NEGR1: variants seen among roughly 807,000 people sequenced by gnomAD.
NEGR1 encodes the protein neuronal growth regulator 1, also known as IgLON family member 4.
NEGR1 carries 10 observed loss-of-function variants against 40.9 expected under a neutral mutation model. That is an observed-to-expected ratio of 0.24 (90% confidence interval 0.15 to 0.42). The LOEUF (loss-of-function observed/expected upper bound fraction) is 0.42, where lower values mean the gene tolerates loss of function less well. Among genes scored for constraint, NEGR1 ranks in the 10% least tolerant of loss-of-function variants. The pLI is 1.00. For missense variants in NEGR1, 352 were observed against 438.9 expected, an observed-to-expected ratio of 0.80 and a Z score of 1.77; for synonymous variants, 185 against 166.8, an observed-to-expected ratio of 1.11 and a Z score of -0.84.
rs541890004 is a variant in NEGR1 at position 71,872,966 on chromosome 1, C to T, written c.409+62113G>A. Among the ~76,000 whole-genome samples, 17 of 152,016 alleles carry T rather than the reference C, an allele frequency of 1.1e-4. No homozygotes were observed. In the East Asian group the frequency reaches 2.7e-3, roughly 24 times the overall value. ...TAGGAAGTTAGCGGAACCCACACTA[C>T]CCTTAGACTTAACCGATGTTTCACA... is the stretch of plus-strand genomic sequence containing the variant. On this transcript the variant is annotated intron_variant, in intron 2 of 6. Transcript: ENST00000357731.
chr1:71,639,829 G>A (rs1651287750), intron 4 of NEGR1, among the ~76,000 whole-genome samples: 1 of 152,022 alleles, frequency 6.6e-6, no homozygotes, highest in African/African-American at 2.4e-5. Flanking sequence ...TAGTAGAGGG[G>A]TGGAGGAAGG....
chr1:72,037,707 T>C (rs577069501), intron 1 of NEGR1, among the ~76,000 whole-genome samples: 1 of 152,288 alleles, frequency 6.6e-6, no homozygotes, highest in Admixed American at 6.5e-5. Context: ...AAGTTTTGAC[T>C]TAATCTGGAT....
Position 71,451,796 on chromosome 1 carries a change from G to T in NEGR1, c.941-44226C>A, listed in dbSNP as rs150457643. On this transcript the variant is annotated intron_variant, in intron 6 of 6. Transcript: ENST00000357731. Reference sequence around the variant, plus strand: ...CTCTGAAATAGGATATTTTAAATCTGACTAGGCTCATTAAAAATATTAGAT... The same window carrying T: ...CTCTGAAATAGGATATTTTAAATCTTACTAGGCTCATTAAAAATATTAGAT... Among the ~76,000 whole-genome samples the T allele has an allele frequency of 5.3e-5, 8 of 152,254 alleles. No homozygotes were observed. In the East Asian group the frequency reaches 1.5e-3, roughly 29 times the overall value.
chr1:72,031,631 G>C (rs1386173375), intron 1 of NEGR1, among the ~76,000 whole-genome samples: 1 of 152,094 alleles, frequency 6.6e-6, no homozygotes, highest in Non-Finnish European at 1.5e-5. Context: ...GATGGGAAGA[G>C]GTTGAAAAAT....
intron 1 of NEGR1, among the ~76,000 whole-genome samples, chr1:72,224,943 A>G (rs186510593): frequency 1.6e-3 from 237 of 152,154 alleles, no homozygotes; most frequent in African/African-American, 4.7e-3. Context: ...TAGTTATTTC[A>G]ATGGCTTTAC....
chr1:72,088,390 C>T (rs1358368857), intron 1 of NEGR1, among the ~76,000 whole-genome samples: 1 of 152,090 alleles, frequency 6.6e-6, no homozygotes, highest in Non-Finnish European at 1.5e-5. Context: ...ATTTACTATT[C>T]GGGCTATCAC....
chr1:71,883,715 T>C (rs1422304222), intron 2 of NEGR1, among the ~76,000 whole-genome samples: 2 of 125,476 alleles, frequency 1.6e-5, no homozygotes, highest in African/African-American at 6.0e-5. Context: ...CCTAAGGCTA[T>C]CCCTCCCCCC....
At chr1:71,580,128 T>C (rs372224722) in intron 6 of NEGR1, among the ~76,000 whole-genome samples, 124 of 152,074 alleles carry the variant, frequency 8.2e-4, no homozygotes, top group African/African-American at 2.8e-3. Flanking sequence ...TATGCAGCCA[T>C]AAAAAATGAT....
intron 6 of NEGR1, among the ~76,000 whole-genome samples, chr1:71,485,080 C>T (rs770721457): frequency 5.9e-5 from 9 of 151,542 alleles, no homozygotes; most frequent in South Asian, 2.1e-4. Context: ...AAATAATTGT[C>T]CCCAAGCTTG....
rs758540794 is a variant in NEGR1 at position 71,947,089 on chromosome 1, T to TATAC, written c.177-11779_177-11778insGTAT. ...GGCAACAGAGCCAGATCCTGTCTCA[T>TATAC]ACACACACACACACACACACACACA... On this transcript the variant is annotated intron_variant, in intron 1 of 6. Transcript: ENST00000357731. 6.7e-3 allele frequency among the ~76,000 whole-genome samples: 867 copies of TATAC among 129,136 alleles called. 11 individuals are homozygous for TATAC. Among genetic ancestry groups the TATAC allele is most frequent in the East Asian group, 0.038 (171 of 4,466 alleles). 84.7% of individuals were successfully genotyped at this position (129,136 alleles called of 152,430 possible).
chr1:72,174,818 T>C (rs1652106653), intron 1 of NEGR1, among the ~76,000 whole-genome samples: 2 of 152,152 alleles, frequency 1.3e-5, no homozygotes, highest in East Asian at 3.9e-4. Flanking sequence ...TATCACAATC[T>C]AAGGGAGGCA....
intron 1 of NEGR1, among the ~76,000 whole-genome samples, chr1:72,043,379 C>T (rs932652098): frequency 3.3e-5 from 5 of 151,750 alleles, no homozygotes; most frequent in African/African-American, 1.2e-4. Flanking sequence ...CTGATATACT[C>T]ACCCACTCTG....
intron 1 of NEGR1, among the ~76,000 whole-genome samples, chr1:72,201,163 A>C (rs1381116325): frequency 2.0e-5 from 3 of 151,776 alleles, no homozygotes; most frequent in Admixed American, 2.0e-4. Context: ...CATACATTTT[A>C]GCAACAAAAC....
intron 1 of NEGR1, among the ~76,000 whole-genome samples, chr1:72,210,110 C>G (rs1166802083): frequency 6.6e-6 from 1 of 151,976 alleles, no homozygotes; most frequent in African/African-American, 2.4e-5. Context: ...TCCAACTGTG[C>G]TCCATGGTGT....
intron 6 of NEGR1, among the ~76,000 whole-genome samples, chr1:71,542,838 C>G (rs1170681708): frequency 6.6e-6 from 1 of 151,672 alleles, no homozygotes; most frequent in Non-Finnish European, 1.5e-5. Flanking sequence ...ATTAAGAGCT[C>G]CACAAGCAAT....
At chr1:71,840,078 G>T (rs938740479) in intron 2 of NEGR1, among the ~76,000 whole-genome samples, 1 of 152,070 alleles carries the variant, frequency 6.6e-6, no homozygotes, top group South Asian at 2.1e-4. Flanking sequence ...TATCTCCAGA[G>T]CGGATTTCTC....
At chr1:72,097,869 G>A (rs1648769606) in intron 1 of NEGR1, among the ~76,000 whole-genome samples, 1 of 152,166 alleles carries the variant, frequency 6.6e-6, no homozygotes, top group African/African-American at 2.4e-5. Flanking sequence ...TCATTAAAAT[G>A]TTTGAAAATG....
intron 6 of NEGR1, 110 bp from the exon 7 acceptor site, chr1:71,407,680 C>A: frequency 1.0e-6 from 1 of 979,402 alleles, no homozygotes; most frequent in South Asian, 1.6e-5. Flanking sequence ...ACATTGGAGT[C>A]AGACAGACTG....
chr1:72,058,259 G>A lies in NEGR1; in HGVS notation c.177-122948C>T, dbSNP rs549724780. On this transcript the variant is annotated intron_variant, in intron 1 of 6. Transcript: ENST00000357731. Reference sequence around the variant, plus strand: ...TAAATATTCTAAATGTATCTAATAAGTTTTTTTTTTGTATTTGAAATCTCA... The same window carrying A: ...TAAATATTCTAAATGTATCTAATAAATTTTTTTTTTGTATTTGAAATCTCA... 1.0e-4 allele frequency among the ~76,000 whole-genome samples: 15 copies of A among 148,762 alleles called. 2 individuals carry two copies. In the South Asian group the frequency reaches 3.2e-3, roughly 31 times the overall value.
Sources: gnomAD v4.1 joint callset for allele counts (sites outside exome capture counted in the v4.1 genomes callset) on GRCh38, gnomAD v4.1.1 for gene constraint, MANE v1.5 for transcripts, NCBI Gene and HGNC (gene_info 2026-07-23, HGNC 2026-07-21) for gene names.